Variants in AIM2 observed in about 807,000 individuals in gnomAD.
AIM2 encodes the protein absent in melanoma 2, also known as interferon-inducible protein AIM2.
A neutral mutation model predicts 27.7 loss-of-function variants in AIM2; 30 were observed. That is an observed-to-expected ratio of 1.08 (90% CI 0.81 to 1.47). The LOEUF (loss-of-function observed/expected upper bound fraction) is 1.47, where lower values mean the gene tolerates loss of function less well. Among genes scored for constraint, AIM2 ranks in the 40% most tolerant of loss-of-function variants. AIM2 has a pLI of 0.00. For missense variants in AIM2, 358 were observed against 411.3 expected (o/e 0.87, Z 1.12); for synonymous variants, 141 against 145.3 (o/e 0.97, Z 0.21).
chr1:159,145,711 C>A (rs1306783978), intron 1 of AIM2, among the ~76,000 whole-genome samples: 5 of 152,184 alleles, frequency 3.3e-5, no homozygotes. Context: ...CAGAGGTCAA[C>A]TCCCTAAGGG....
At chr1:159,097,818 C>G (rs1166032834) in intron 1 of AIM2, among the ~76,000 whole-genome samples, 1 of 152,140 alleles carries the variant, frequency 6.6e-6, no homozygotes, top group Non-Finnish European at 1.5e-5. Flanking sequence ...ACCAAATCGG[C>G]AAATCAATTT....
At chr1:159,103,361 C>T (rs912403406) in intron 1 of AIM2, among the ~76,000 whole-genome samples, 1 of 130,672 alleles carries the variant, frequency 7.7e-6, no homozygotes, top group Non-Finnish European at 1.7e-5. Context: ...GCTAATACAT[C>T]ACAGTTTTCA....
chr1:159,112,626 G>T (rs1049913497), intron 1 of AIM2, among the ~76,000 whole-genome samples: 1 of 152,164 alleles, frequency 6.6e-6, no homozygotes, highest in African/African-American at 2.4e-5. Context: ...GTCTATAAAA[G>T]ATGTCACAAC....
the AIM2 span, among the ~76,000 whole-genome samples, chr1:159,056,280 C>A: frequency 6.6e-6 from 1 of 152,190 alleles, no homozygotes; most frequent in East Asian, 1.9e-4. Context: ...CTCTTCCCCA[C>A]TGGAAATGGC....
chr1:159,123,845 A>AAG (rs1439800999), intron 1 of AIM2, among the ~76,000 whole-genome samples: 1 of 152,224 alleles, frequency 6.6e-6, no homozygotes, highest in Non-Finnish European at 1.5e-5. Context: ...ATATAGTCAA[A>AAG]AGAAGACTGT....
chr1:159,125,059 C>G (rs1647650816), intron 1 of AIM2, among the ~76,000 whole-genome samples: 2 of 152,200 alleles, frequency 1.3e-5, no homozygotes, highest in Non-Finnish European at 1.5e-5. Context: ...CCCCAGGGAA[C>G]AGGCTATTGG....
rs182938263 is a variant in AIM2, at chr1:159,082,658, C to T, written c.-15-16329G>A. Among the ~76,000 whole-genome samples, 630 of 152,232 alleles carry T rather than the reference C, an allele frequency of 4.1e-3. 1 individual carries two copies. Among genetic ancestry groups the T allele is most frequent in the Non-Finnish European group, 6.9e-3 (468 of 68,006 alleles). On this transcript the variant is annotated intron_variant, in intron 1 of 2. Coordinates refer to the AIM2 transcript ENST00000368129. Reference sequence around the variant, plus strand: ...AAAGTGCTCCCTGGGCACTATCCCACGTAGTATAAGAGCACTAATCCTATT... The same window carrying T: ...AAAGTGCTCCCTGGGCACTATCCCATGTAGTATAAGAGCACTAATCCTATT...
intron 1 of AIM2, among the ~76,000 whole-genome samples, chr1:159,134,474 T>A (rs1358751602): frequency 6.6e-6 from 1 of 152,242 alleles, no homozygotes; most frequent in Non-Finnish European, 1.5e-5. Flanking sequence ...GGGCCTTGTC[T>A]CTCCAATTTC....
At chr1:159,109,044 C>T (rs537465416) in intron 1 of AIM2, among the ~76,000 whole-genome samples, 1 of 152,182 alleles carries the variant, frequency 6.6e-6, no homozygotes, top group African/African-American at 2.4e-5. Context: ...AAAAACAATT[C>T]TAAAATTCAT....
chr1:159,131,460 A>G (rs926060997), intron 1 of AIM2, among the ~76,000 whole-genome samples: 1 of 152,242 alleles, frequency 6.6e-6, no homozygotes, highest in African/African-American at 2.4e-5. Context: ...ACTTTGTCAT[A>G]CAGTACATTT....
At chr1:159,075,671 C>A (rs76430338) in intron 1 of AIM2, among the ~76,000 whole-genome samples, 10,414 of 149,722 alleles carry the variant, frequency 0.07, 681 homozygotes, top group East Asian at 0.31. Flanking sequence ...ACATGGAGAA[C>A]CATGTATCAA....
At chr1:159,118,419 A>C (rs1647441692) in intron 1 of AIM2, among the ~76,000 whole-genome samples, 1 of 152,196 alleles carries the variant, frequency 6.6e-6, no homozygotes, top group Admixed American at 6.6e-5. Context: ...TCTTGATTAC[A>C]CACAGATAAA....
intron 1 of AIM2, among the ~76,000 whole-genome samples, chr1:159,117,938 T>C (rs1207374004): frequency 6.6e-6 from 1 of 152,224 alleles, no homozygotes; most frequent in Non-Finnish European, 1.5e-5. Context: ...TATGTATGTT[T>C]GTGTCCCTGT....
At chr1:159,106,223 C>T (rs1657442617) in intron 1 of AIM2, among the ~76,000 whole-genome samples, 4 of 152,176 alleles carry the variant, frequency 2.6e-5, no homozygotes, top group Admixed American at 6.5e-5. Flanking sequence ...CAGGGAGTGC[C>T]GGTCTCCCAC....
At chr1:159,119,071 C>A (rs1390353754) in intron 1 of AIM2, among the ~76,000 whole-genome samples, 4 of 152,110 alleles carry the variant, frequency 2.6e-5, no homozygotes, top group African/African-American at 4.8e-5. Flanking sequence ...GCAATGGCTC[C>A]TTGGGATCCG....
chr1:159,132,713 T>C (rs946267716), intron 1 of AIM2, among the ~76,000 whole-genome samples: 4 of 152,208 alleles, frequency 2.6e-5, no homozygotes, highest in African/African-American at 9.6e-5. Flanking sequence ...ATTGGCGAGC[T>C]GGACATACAA....
intron 1 of AIM2, among the ~76,000 whole-genome samples, chr1:159,075,609 T>G (rs74122256): frequency 0.067 from 9,880 of 146,964 alleles, 646 homozygotes; most frequent in African/African-American, 0.17. Context: ...TATATATATA[T>G]ATAGAGAGAG....
chr1:159,128,453 A>G (rs1481438318), intron 1 of AIM2, among the ~76,000 whole-genome samples: 2 of 152,142 alleles, frequency 1.3e-5, no homozygotes, highest in African/African-American at 4.8e-5. Context: ...AAAGTAATAA[A>G]TATTCTGTAC....
chr1:159,115,008 C>T (rs909442909), intron 1 of AIM2, among the ~76,000 whole-genome samples: 13 of 152,128 alleles, frequency 8.5e-5, no homozygotes, highest in African/African-American at 4.8e-5. Flanking sequence ...AATCAATGTA[C>T]AAAAATCACA....
Sources: allele counts gnomAD v4.1 joint callset (sites outside exome capture counted in the v4.1 genomes callset), GRCh38; gene constraint gnomAD v4.1.1; transcripts MANE v1.5; gene names NCBI Gene and HGNC (gene_info 2026-07-23, HGNC 2026-07-21).